The following FBXO31 variants were observed in gnomAD, a reference collection of about 807,000 sequenced individuals.
FBXO31 encodes the protein F-box only protein 31.
FBXO31 carries 24 observed loss-of-function variants against 54.4 expected under a neutral mutation model. That is an observed-to-expected ratio of 0.44 (90% CI 0.32 to 0.62). The LOEUF (loss-of-function observed/expected upper bound fraction) is 0.62, where lower values mean the gene tolerates loss of function less well. Ranked by LOEUF, FBXO31 falls within the 20% of genes least tolerant of loss-of-function variation. The pLI is 0.05. For missense variants in FBXO31, 665 were observed against 787.1 expected, an observed-to-expected ratio of 0.84 and a Z score of 1.86; for synonymous variants, 388 against 335.6, an observed-to-expected ratio of 1.16 and a Z score of -1.71.
chr16:87,378,790 T>C (rs561838040), intron 1 of FBXO31, among the ~76,000 whole-genome samples: 1 of 151,892 alleles, frequency 6.6e-6, no homozygotes, highest in East Asian at 1.9e-4. Context: ...TGAAACCCCG[T>C]CTCTACTAAA....
intron 5 of FBXO31, among the ~76,000 whole-genome samples, chr16:87,341,109 T>C (rs1905180143): frequency 6.6e-6 from 1 of 152,094 alleles, no homozygotes; most frequent in Non-Finnish European, 1.5e-5. Context: ...ATTCCAGCAA[T>C]ACCTTCCCTC....
intron 2 of FBXO31, among the ~76,000 whole-genome samples, chr16:87,355,720 G>A (rs917001200): frequency 6.6e-6 from 1 of 152,236 alleles, no homozygotes; most frequent in Non-Finnish European, 1.5e-5. Context: ...ATAGGAGGCT[G>A]CGCAGCCTGG....
intron 1 of FBXO31, among the ~76,000 whole-genome samples, chr16:87,371,532 C>T (rs991318515): frequency 6.6e-6 from 1 of 152,266 alleles, no homozygotes; most frequent in African/African-American, 2.4e-5. Flanking sequence ...GCAGGCCTGA[C>T]GAGTCGTGGC....
intron 1 of FBXO31, among the ~76,000 whole-genome samples, chr16:87,361,980 G>C (rs929529166): frequency 6.6e-6 from 1 of 152,226 alleles, no homozygotes; most frequent in African/African-American, 2.4e-5. Context: ...CCTAAATCCA[G>C]TAGGCTCCAG....
intron 2 of FBXO31, among the ~76,000 whole-genome samples, chr16:87,348,880 A>G (rs751747963): frequency 1.3e-5 from 2 of 152,218 alleles, no homozygotes; most frequent in Admixed American, 6.5e-5. Flanking sequence ...ACAACTGAGC[A>G]CTCAGCAAGG....
rs1192980052 is a variant in FBXO31, at chr16:87,346,314, C to A, written c.489+860G>T. ...GGCACCCAGCAAGTGCCCAGGCGCA[C>A]AGTGAGGGGTGGGGGGCATCCAACA... On this transcript the variant is annotated intron_variant, in intron 3 of 8. Transcript: ENST00000311635. The surrounding 1 kb of genome is among the most constrained non-coding windows in gnomAD (Gnocchi z 4.2). Among the ~76,000 whole-genome samples the A allele has an allele frequency of 6.7e-6, 1 of 150,316 alleles. No homozygotes were observed. The highest frequency in any genetic ancestry group is 1.5e-5 in the Non-Finnish European group (1 of 67,588).
chr16:87,343,517 A>C, intron 4 of FBXO31, 81 bp downstream of exon 4: 1 of 1,494,794 alleles, frequency 6.7e-7, no homozygotes, highest in Non-Finnish European at 9.0e-7. Context: ...TCTGCAGCTG[A>C]GAATAGCACG....
intron 2 of FBXO31, among the ~76,000 whole-genome samples, chr16:87,352,593 G>T (rs916069356): frequency 2.0e-5 from 3 of 152,166 alleles, no homozygotes; most frequent in African/African-American, 7.2e-5. Context: ...GACAGGTGTG[G>T]GAAGAGGCCA....
intron 1 of FBXO31, among the ~76,000 whole-genome samples, chr16:87,361,416 C>T (rs2150686573): frequency 6.6e-6 from 1 of 152,330 alleles, no homozygotes; most frequent in South Asian, 2.1e-4. Flanking sequence ...GACGAGGTGG[C>T]TGGGTCTCCA....
At position 87,383,753 on chromosome 16, in the gene FBXO31, G is replaced by C; in HGVS notation, c.-9C>G. On this transcript the variant is annotated 5_prime_UTR_variant, in exon 1 of 9. Transcript: ENST00000311635. This position sits in a 1 kb window ranked among gnomAD's most constrained non-coding sequence, Gnocchi z 4.9. Reference sequence around the variant, plus strand: ...CGAGCACACACCGCCATGCCGCCCAGTGACGGCCACTGCTGCCGCCTGTGC... The same window carrying C: ...CGAGCACACACCGCCATGCCGCCCACTGACGGCCACTGCTGCCGCCTGTGC... The C allele has an allele frequency of 7.5e-6, 9 of 1,201,622 alleles. No individual in the cohort carries two copies. Among genetic ancestry groups the C allele is most frequent in the South Asian group, 7.8e-5 (2 of 25,714 alleles). The allele number at this position is 1,201,622 out of a possible 1,614,324, so 74.4% of individuals were successfully genotyped here.
chr16:87,386,576 G>C (rs8054103), upstream of FBXO31, among the ~76,000 whole-genome samples: 1 of 152,164 alleles, frequency 6.6e-6, no homozygotes, highest in Non-Finnish European at 1.5e-5. Context: ...TGGGATTACA[G>C]GCGAGTGCCA....
chr16:87,358,195 C>A lies in FBXO31; in HGVS notation c.412+2100G>T, dbSNP rs998196357. On this transcript the variant is annotated intron_variant, in intron 2 of 8. Transcript: ENST00000311635. The surrounding 1 kb of genome is among the most constrained non-coding windows in gnomAD (Gnocchi z 4.0). ...CCAGAAACCACTGCAGAAAGGTAAG[C>A]CAAATGCAGCCTGGGTCCAACACAC... Among the ~76,000 whole-genome samples, 3 of 152,134 alleles carry A rather than the reference C, an allele frequency of 2.0e-5. No individual in the cohort carries two copies. The highest frequency in any genetic ancestry group is 7.2e-5 in the African/African-American group (3 of 41,412).
At chr16:87,380,126 C>T (rs539103253) in intron 1 of FBXO31, among the ~76,000 whole-genome samples, 3 of 151,238 alleles carry the variant, frequency 2.0e-5, no homozygotes, top group East Asian at 2.0e-4. Context: ...GGTGAAACCC[C>T]GTCTCTACTA....
rs549119838 is a variant in FBXO31 at position 87,338,180 on chromosome 16, G to A, written c.733-1916C>T. Among the ~76,000 whole-genome samples, 10 of 151,270 alleles carry A rather than the reference G, an allele frequency of 6.6e-5. No individual in the cohort carries two copies. Among genetic ancestry groups the A allele is most frequent in the Admixed American group, 2.6e-4 (4 of 15,180 alleles). The stretch of plus-strand genomic sequence containing the variant: ...AGACCCTGTTACCCAGAATAAGGCC[G>A]TCCCAAGCATGTTTATTATGAAATT... On this transcript the variant is annotated intron_variant, in intron 5 of 8. Transcript: ENST00000311635. The surrounding 1 kb of genome is among the most constrained non-coding windows in gnomAD (Gnocchi z 4.3).
chr16:87,385,699 G>T (rs1018565949), upstream of FBXO31, among the ~76,000 whole-genome samples: 3 of 151,920 alleles, frequency 2.0e-5, no homozygotes, highest in Non-Finnish European at 4.4e-5. Flanking sequence ...ACACTTGATG[G>T]GAGAATGTTC....
intron 8 of FBXO31, 142 bp downstream of exon 8, chr16:87,333,744 G>T: frequency 1.2e-5 from 16 of 1,321,136 alleles, no homozygotes; most frequent in Non-Finnish European, 1.7e-5. Context: ...GGGGTCAGAG[G>T]CCGCACTCCT....
chr16:87,333,610 G>C (rs541328284), intron 8 of FBXO31, among the ~76,000 whole-genome samples: 1 of 152,250 alleles, frequency 6.6e-6, no homozygotes, highest in African/African-American at 2.4e-5. Context: ...AGGGATGTGA[G>C]GCATCTGGAA....
intron 2 of FBXO31, among the ~76,000 whole-genome samples, chr16:87,347,991 C>G (rs1352952275): frequency 6.6e-6 from 1 of 152,234 alleles, no homozygotes; most frequent in Non-Finnish European, 1.5e-5. Flanking sequence ...TCCTTGCCAG[C>G]CAATGGTCAG....
At chr16:87,354,294 G>A (rs1421116153) in intron 2 of FBXO31, among the ~76,000 whole-genome samples, 1 of 152,020 alleles carries the variant, frequency 6.6e-6, no homozygotes. Context: ...GTAACATAGG[G>A]AGCCCTTGTC....
Sources: gnomAD v4.1 joint callset for allele counts (sites outside exome capture counted in the v4.1 genomes callset) on GRCh38, gnomAD v4.1.1 for gene constraint, Gnocchi (gnomAD v3.1) non-coding constraint, MANE v1.5 for transcripts, NCBI Gene and HGNC (gene_info 2026-07-23, HGNC 2026-07-21) for gene names.